Variants in RAB3C observed in about 807,000 individuals in gnomAD.
The protein encoded by RAB3C is ras-related protein Rab-3C.
RAB3C carries 17 observed loss-of-function variants against 26.4 expected under a neutral mutation model. The observed-to-expected ratio is 0.64, with a 90% CI of 0.44 to 0.97. RAB3C has a LOEUF of 0.97. Ranked by LOEUF, RAB3C falls within the 50% of genes least tolerant of loss-of-function variation. The pLI is 0.00. For missense variants in RAB3C, 242 were observed against 281.9 expected, an observed-to-expected ratio of 0.86 and a Z score of 1.01; for synonymous variants, 91 against 95.9, an observed-to-expected ratio of 0.95 and a Z score of 0.30.
chr5:58,814,242 T>C (rs1743162332), intron 3 of RAB3C, among the ~76,000 whole-genome samples: 1 of 152,190 alleles, frequency 6.6e-6, no homozygotes, highest in Non-Finnish European at 1.5e-5. Context: ...CATCTCAAAG[T>C]TCTACAAAAT....
intron 2 of RAB3C, among the ~76,000 whole-genome samples, chr5:58,681,859 G>C (rs1748350197): frequency 1.3e-5 from 2 of 152,280 alleles, no homozygotes; most frequent in South Asian, 4.1e-4. Context: ...GGTTGATTAG[G>C]AAAATAAGTT....
chr5:58,837,607 G>A (rs1743780171), intron 4 of RAB3C, among the ~76,000 whole-genome samples: 1 of 141,952 alleles, frequency 7.0e-6, no homozygotes, highest in Non-Finnish European at 1.5e-5. Flanking sequence ...CACCCAGGCT[G>A]GAGTGCAGTG....
chr5:58,731,010 C>T (rs1561303092), intron 3 of RAB3C, among the ~76,000 whole-genome samples: 1 of 152,014 alleles, frequency 6.6e-6, no homozygotes. Flanking sequence ...TCTCGTGAGA[C>T]TTACTATCAT....
At chr5:58,707,507 T>C (rs1748967629) in intron 2 of RAB3C, among the ~76,000 whole-genome samples, 2 of 152,184 alleles carry the variant, frequency 1.3e-5, no homozygotes, top group South Asian at 4.1e-4. Context: ...AAACTCATTT[T>C]ACAGTTGAGA....
At chr5:58,744,442 C>CA (rs1741348016) in intron 3 of RAB3C, among the ~76,000 whole-genome samples, 1 of 152,216 alleles carries the variant, frequency 6.6e-6, no homozygotes, top group Non-Finnish European at 1.5e-5. Context: ...CAGTCATCGT[C>CA]ACACGATTCA....
At chr5:58,668,234 G>C (rs1300823207) in intron 2 of RAB3C, among the ~76,000 whole-genome samples, 1 of 152,120 alleles carries the variant, frequency 6.6e-6, no homozygotes, top group Non-Finnish European at 1.5e-5. Context: ...TCAGAGAAAA[G>C]TGATTAGAAC....
At chr5:58,838,555 T>A (rs1743799864) in intron 4 of RAB3C, among the ~76,000 whole-genome samples, 1 of 152,206 alleles carries the variant, frequency 6.6e-6, no homozygotes, top group Non-Finnish European at 1.5e-5. Flanking sequence ...TCAGGTAAGA[T>A]ACTTAATATA....
At chr5:58,729,491 GA>G (rs1740957304) in intron 3 of RAB3C, among the ~76,000 whole-genome samples, 7 of 151,560 alleles carry the variant, frequency 4.6e-5, no homozygotes, top group Admixed American at 4.6e-4. Flanking sequence ...CATATAAGTG[GA>G]ATCATGCAGT....
intron 2 of RAB3C, among the ~76,000 whole-genome samples, chr5:58,724,037 G>A (rs1426303460): frequency 6.6e-6 from 1 of 151,718 alleles, no homozygotes; most frequent in Non-Finnish European, 1.5e-5. Flanking sequence ...ATGTATACAG[G>A]TCCATTTTGG....
chr5:58,820,800 A>G (rs1743322230), intron 3 of RAB3C, among the ~76,000 whole-genome samples: 1 of 152,186 alleles, frequency 6.6e-6, no homozygotes, highest in African/African-American at 2.4e-5. Context: ...CCAAATAAGT[A>G]TATTCTTCTT....
intron 2 of RAB3C, among the ~76,000 whole-genome samples, chr5:58,633,079 T>C (rs745678674): frequency 2.0e-5 from 3 of 152,216 alleles, no homozygotes; most frequent in African/African-American, 7.2e-5. Context: ...TTTCTTTTTA[T>C]GTCATGGAGT....
chr5:58,605,023 T>C (rs569585318), intron 1 of RAB3C, among the ~76,000 whole-genome samples: 129 of 152,280 alleles, frequency 8.5e-4, no homozygotes, highest in African/African-American at 3.0e-3. Context: ...TCTCTTGGCT[T>C]GGCTCTCTAA....
At chr5:58,665,523 A>G (rs577974862) in intron 2 of RAB3C, among the ~76,000 whole-genome samples, 28 of 152,274 alleles carry the variant, frequency 1.8e-4, no homozygotes, top group African/African-American at 6.7e-4. Flanking sequence ...ACAGAAGACT[A>G]TTTATTAGTA....
At chr5:58,618,281 C>A (rs1236755671) in intron 2 of RAB3C, among the ~76,000 whole-genome samples, 5 of 152,034 alleles carry the variant, frequency 3.3e-5, no homozygotes, top group African/African-American at 1.2e-4. Context: ...AGAAAGCAGC[C>A]TCTCCTGGGC....
rs780621066 is a variant in RAB3C at position 58,761,602 on chromosome 5, C to A, written c.371+35482C>A. 1.2e-4 allele frequency among the ~76,000 whole-genome samples: 18 copies of A among 152,202 alleles called. No individual in the cohort carries two copies. The Middle Eastern group carries it at 0.01, about 86-fold the overall frequency. On this transcript the variant is annotated intron_variant, in intron 3 of 4. Coordinates refer to ENST00000282878, the MANE Select transcript of RAB3C (RefSeq NM_138453.4). Reference sequence around the variant, plus strand: ...GAATGCTCAGCTCTTTTTATGTCCTCCTGGAAACCCTGAACTTTGACATAC... The same window carrying A: ...GAATGCTCAGCTCTTTTTATGTCCTACTGGAAACCCTGAACTTTGACATAC...
chr5:58,729,834 T>C (rs2111926917), intron 3 of RAB3C, among the ~76,000 whole-genome samples: 1 of 145,616 alleles, frequency 6.9e-6, no homozygotes, highest in Admixed American at 6.9e-5. Context: ...ATATTTATAT[T>C]ATATATACAC....
intron 1 of RAB3C, among the ~76,000 whole-genome samples, chr5:58,606,024 C>T (rs900002693): frequency 2.0e-5 from 3 of 152,150 alleles, no homozygotes; most frequent in Admixed American, 6.5e-5. Context: ...ACTGAGGTAC[C>T]TGGTTCATCT....
At chr5:58,661,859 C>T (rs767863025) in intron 2 of RAB3C, among the ~76,000 whole-genome samples, 28 of 148,998 alleles carry the variant, frequency 1.9e-4, no homozygotes, top group East Asian at 3.9e-4. Context: ...GGTTAGAGAA[C>T]GCATGCAAAA....
At chr5:58,612,518 G>GTGTGTATATATATATA (rs1242197761) in intron 1 of RAB3C, among the ~76,000 whole-genome samples, 2 of 40,574 alleles carry the variant, frequency 4.9e-5, no homozygotes, top group East Asian at 1.1e-3. Context: ...GTGTGTGTGT[G>GTGTGTATATATATATA]TGTATATATA....
Sources: allele counts gnomAD v4.1 joint callset (sites outside exome capture counted in the v4.1 genomes callset), GRCh38; gene constraint gnomAD v4.1.1; transcripts MANE v1.5; gene names NCBI Gene and HGNC (gene_info 2026-07-23, HGNC 2026-07-21).